The following CORO2B variants were observed in gnomAD, a reference collection of about 807,000 sequenced individuals.
The protein encoded by CORO2B is coronin 2B, also known as coronin-2B.
A neutral mutation model predicts 58.8 loss-of-function variants in CORO2B; 26 were observed. The observed-to-expected ratio is 0.44, with a 90% CI of 0.32 to 0.61. The LOEUF is 0.61. Ranked by LOEUF, CORO2B falls within the 20% of genes least tolerant of loss-of-function variation. The pLI, the probability that CORO2B is intolerant of heterozygous loss-of-function variation, is 0.04. For synonymous variants in CORO2B, 242 were observed against 253.8 expected, an observed-to-expected ratio of 0.95 and a Z score of 0.44; for missense variants, 460 against 645.1, an observed-to-expected ratio of 0.71 and a Z score of 3.11.
intron 3 of CORO2B, among the ~76,000 whole-genome samples, chr15:68,704,029 TAC>T (rs1162113689): frequency 2.0e-5 from 2 of 99,566 alleles, no homozygotes; most frequent in East Asian, 6.5e-4. Context: ...ACCCTTTCTC[TAC>T]ACACACATAC....
At chr15:68,629,348 C>T (rs761141816) in intron 1 of CORO2B, among the ~76,000 whole-genome samples, 35 of 152,234 alleles carry the variant, frequency 2.3e-4, no homozygotes, top group Non-Finnish European at 4.9e-4. Context: ...ATCCAGTCCA[C>T]ATTCCACTCA....
chr15:68,612,796 C>T (rs1356250017), intron 1 of CORO2B, among the ~76,000 whole-genome samples: 5 of 152,196 alleles, frequency 3.3e-5, no homozygotes, highest in Non-Finnish European at 7.3e-5. Flanking sequence ...TAGGATTCCA[C>T]CAGCTCTGCA....
chr15:68,682,776 A>G (rs1293388137), intron 2 of CORO2B, among the ~76,000 whole-genome samples: 6 of 152,214 alleles, frequency 3.9e-5, no homozygotes, highest in African/African-American at 1.2e-4. Flanking sequence ...ATGAAAACCC[A>G]GGTCCCCTGA....
At position 68,635,599 on chromosome 15, in the gene CORO2B, C is replaced by A. The variant is rs1023502866; in HGVS notation, c.16-9561C>A. ...CTCTCTGGGTCTATGAAATGAGAGG[C>A]TGGATTTAGTGGACCTGTGAGTCCC... On this transcript the variant is annotated intron_variant, in intron 1 of 11. Coordinates refer to ENST00000261861, the MANE Select transcript of CORO2B (RefSeq NM_006091.5). Among the ~76,000 whole-genome samples, 38 of 152,192 alleles carry A rather than the reference C, an allele frequency of 2.5e-4. 1 individual carries two copies. Among genetic ancestry groups the A allele is most frequent in the African/African-American group, 9.2e-4 (38 of 41,462 alleles).
chr15:68,608,634 C>G (rs375572213), intron 1 of CORO2B, among the ~76,000 whole-genome samples: 1 of 152,348 alleles, frequency 6.6e-6, no homozygotes, highest in East Asian at 1.9e-4. Context: ...AGGGAACATA[C>G]TCCCCTCTGC....
chr15:68,559,629 A>C, the CORO2B span: 9 of 985,234 alleles, frequency 9.1e-6, no homozygotes, highest in Non-Finnish European at 1.1e-5. This position sits in a 1 kb window ranked among gnomAD's most constrained non-coding sequence, Gnocchi z 4.3. Flanking sequence ...AGGCCCCCAG[A>C]CTTTTTCTTT....
the CORO2B span, among the ~76,000 whole-genome samples, chr15:68,520,367 A>G: frequency 6.6e-6 from 1 of 152,196 alleles, no homozygotes; most frequent in African/African-American, 2.4e-5. Flanking sequence ...AAAGAGGTAT[A>G]TTATAGTCTC....
the CORO2B span, among the ~76,000 whole-genome samples, chr15:68,545,139 T>G: frequency 6.6e-6 from 1 of 152,186 alleles, no homozygotes; most frequent in African/African-American, 2.4e-5. Context: ...ACATGAAGGC[T>G]GCAGGGCAGG....
chr15:68,660,660 T>G (rs545979012), intron 2 of CORO2B, among the ~76,000 whole-genome samples: 5 of 152,216 alleles, frequency 3.3e-5, no homozygotes, highest in Non-Finnish European at 5.9e-5. Context: ...TATGAGCCAC[T>G]GCACCCAGCC....
At chr15:68,671,834 AG>A (rs1902404841) in intron 2 of CORO2B, among the ~76,000 whole-genome samples, 1 of 152,206 alleles carries the variant, frequency 6.6e-6, no homozygotes, top group Non-Finnish European at 1.5e-5. Flanking sequence ...ACATTCTATT[AG>A]TAACACAGAC....
At chr15:68,709,096 T>C (rs1310200662) in intron 3 of CORO2B, among the ~76,000 whole-genome samples, 1 of 152,258 alleles carries the variant, frequency 6.6e-6, no homozygotes, top group African/African-American at 2.4e-5. Context: ...GTTGATCACT[T>C]ACACTGCTTC....
At chr15:68,653,361 G>A (rs938529317) in intron 2 of CORO2B, among the ~76,000 whole-genome samples, 2 of 152,092 alleles carry the variant, frequency 1.3e-5, no homozygotes, top group Non-Finnish European at 2.9e-5. Flanking sequence ...AGCCCCCAAC[G>A]GTGGGAAACT....
chr15:68,576,525 G>C (rs576972737), upstream of CORO2B, among the ~76,000 whole-genome samples: 64 of 152,154 alleles, frequency 4.2e-4, no homozygotes, highest in Non-Finnish European at 8.1e-4. Flanking sequence ...ATGACAATCT[G>C]GGATTTGAAA....
chr15:68,678,076 G>A lies in CORO2B; in HGVS notation c.217-17064G>A, dbSNP rs555973463. 2.6e-5 allele frequency among the ~76,000 whole-genome samples: 4 copies of A among 152,294 alleles called. No homozygotes were observed. In the South Asian group the frequency reaches 8.3e-4, roughly 32 times the overall value. On this transcript the variant is annotated intron_variant, in intron 2 of 11. Transcript: ENST00000261861. ...TCTCCTTTCCCCTGCAAGGTCTGTT[G>A]CTTCCTGACAAAGGCCTAACATGCA...
At chr15:68,584,282 G>A (rs1247200934) in intron 1 of CORO2B, among the ~76,000 whole-genome samples, 5 of 152,192 alleles carry the variant, frequency 3.3e-5, no homozygotes, top group Admixed American at 3.3e-4. Context: ...CCAGAAAAGC[G>A]CTGTCAGGTG....
chr15:68,627,758 C>T (rs568421799), intron 1 of CORO2B, among the ~76,000 whole-genome samples: 50 of 152,176 alleles, frequency 3.3e-4, no homozygotes, highest in African/African-American at 1.2e-3. Flanking sequence ...CAGGGGTAGC[C>T]TCATCTCCCT....
At chr15:68,587,477 C>T (rs953928589) in intron 1 of CORO2B, among the ~76,000 whole-genome samples, 2 of 152,142 alleles carry the variant, frequency 1.3e-5, no homozygotes, top group African/African-American at 4.8e-5. Context: ...CAGCACTCTG[C>T]CTGTACGGCA....
At chr15:68,579,826 T>TC (rs1202344259) in intron 1 of CORO2B, among the ~76,000 whole-genome samples, 1 of 152,160 alleles carries the variant, frequency 6.6e-6, no homozygotes, top group Non-Finnish European at 1.5e-5. Context: ...ACAGGGCAGG[T>TC]CCAGGTGGTT....
At chr15:68,559,343 T>C in the CORO2B span, among the ~76,000 whole-genome samples, 1 of 152,000 alleles carries the variant, frequency 6.6e-6, no homozygotes, top group Non-Finnish European at 1.5e-5. The surrounding 1 kb of genome is among the most constrained non-coding windows in gnomAD (Gnocchi z 4.3). Context: ...ACTCTCTCAT[T>C]CCCGGAGAAT....
Sources: allele counts gnomAD v4.1 joint callset (sites outside exome capture counted in the v4.1 genomes callset), GRCh38; gene constraint gnomAD v4.1.1; non-coding constraint Gnocchi (gnomAD v3.1); transcripts MANE v1.5; gene names NCBI Gene and HGNC (gene_info 2026-07-23, HGNC 2026-07-21).